Variants in TANC2 observed in about 807,000 individuals in gnomAD.
TANC2 encodes tetratricopeptide repeat, ankyrin repeat and coiled-coil containing 2.
Under a neutral mutation model 210.5 loss-of-function variants are expected in TANC2, and 26 were observed. The observed-to-expected ratio is 0.12, with a 90% CI of 0.09 to 0.17. The LOEUF is 0.17. Ranked by LOEUF, TANC2 falls within the 10% of genes least tolerant of loss-of-function variation. The probability of loss-of-function intolerance (pLI) is 1.00; values close to 1 mark genes in which losing one functional copy is unlikely to be tolerated. For synonymous variants in TANC2, 931 were observed against 967.1 expected, an observed-to-expected ratio of 0.96 and a Z score of 0.69; for missense variants, 2,129 against 2,608.9, an observed-to-expected ratio of 0.82 and a Z score of 4.01.
chr17:63,236,339 G>C (rs1353406870), intron 7 of TANC2, among the ~76,000 whole-genome samples: 2 of 151,984 alleles, frequency 1.3e-5, no homozygotes, highest in Non-Finnish European at 2.9e-5. Flanking sequence ...ATATGTGAGA[G>C]ATGACTGTAT....
At position 63,073,965 on chromosome 17, in the gene TANC2, G is replaced by T. The variant is rs142582836; in HGVS notation, c.90G>T (p.Pro30=). 1.3e-4 allele frequency: 208 copies of T among 1,589,072 alleles called. 1 individual carries two copies. In the East Asian group the frequency reaches 4.4e-3, roughly 34 times the overall value. Residue 30 remains proline (P), a synonymous_variant, in exon 3 of 28, where the codon CCG becomes CCT. Coordinates refer to ENST00000689528, the Ensembl canonical transcript of TANC2. The stretch of plus-strand genomic sequence containing the variant: ...CAGATGGAGGGAGCGAGGAACCACC[G>T]GATCGAAGACAGTCAAGTGTAGACT...
At chr17:63,171,342 C>T (rs2040399140) in intron 5 of TANC2, among the ~76,000 whole-genome samples, 1 of 152,126 alleles carries the variant, frequency 6.6e-6, no homozygotes. Flanking sequence ...CTCCGCCTCC[C>T]AAAGTGCTGG....
intron 11 of TANC2, among the ~76,000 whole-genome samples, chr17:63,338,469 A>G (rs1055567493): frequency 6.6e-6 from 1 of 152,208 alleles, no homozygotes; most frequent in Admixed American, 6.5e-5. Context: ...TGTGGAATCA[A>G]TTGAAGTGAA....
chr17:63,266,555 T>G (rs948599839), intron 8 of TANC2, among the ~76,000 whole-genome samples: 2 of 152,138 alleles, frequency 1.3e-5, no homozygotes, highest in African/African-American at 4.8e-5. Context: ...TGCTTCTTAG[T>G]TTATATTGAA....
At chr17:63,023,967 G>A (rs2144041514) in intron 2 of TANC2, among the ~76,000 whole-genome samples, 1 of 152,290 alleles carries the variant, frequency 6.6e-6, no homozygotes, top group South Asian at 2.1e-4. Context: ...TCACACTCAT[G>A]TGTTCATATC....
intron 14 of TANC2, among the ~76,000 whole-genome samples, chr17:63,362,186 C>T (rs1479329210): frequency 6.6e-6 from 1 of 152,206 alleles, no homozygotes; most frequent in Non-Finnish European, 1.5e-5. Flanking sequence ...GTGTTCAGCT[C>T]TCAGGGGAGA....
At chr17:63,223,666 G>A (rs1294106311) in intron 7 of TANC2, among the ~76,000 whole-genome samples, 1 of 151,972 alleles carries the variant, frequency 6.6e-6, no homozygotes, top group Non-Finnish European at 1.5e-5. Flanking sequence ...AACCATAGAA[G>A]GTAACTTTCA....
intron 5 of TANC2, among the ~76,000 whole-genome samples, chr17:63,190,601 G>T (rs2041151696): frequency 6.6e-6 from 1 of 152,080 alleles, no homozygotes; most frequent in South Asian, 2.1e-4. Context: ...AGAAGGAAAG[G>T]AAGCGAGTAA....
chr17:63,091,566 C>T (rs920869088), intron 3 of TANC2, among the ~76,000 whole-genome samples: 14 of 152,106 alleles, frequency 9.2e-5, no homozygotes, highest in African/African-American at 2.7e-4. Flanking sequence ...TTCCATTGGT[C>T]GATACCTCTG....
intron 25 of TANC2, 117 bp from the exon 26 acceptor site, chr17:63,415,411 G>A (rs935636614): frequency 4.0e-5 from 54 of 1,354,212 alleles, no homozygotes; most frequent in Non-Finnish European, 4.4e-5. Context: ...CTAGGCTGGC[G>A]TTTGGGAGGG....
chr17:63,283,640 A>G (rs533508100), intron 9 of TANC2, among the ~76,000 whole-genome samples: 3 of 151,980 alleles, frequency 2.0e-5, no homozygotes, highest in Admixed American at 1.3e-4. Context: ...CTCTGCAGTC[A>G]TGTAGACCTT....
chr17:63,004,825 AG>A, intron 1 of TANC2: 1 of 314,276 alleles, frequency 3.2e-6, no homozygotes, highest in Non-Finnish European at 6.2e-6. Context: ...TTCTTTACCA[AG>A]GGCCTTTTTT....
intron 14 of TANC2, among the ~76,000 whole-genome samples, chr17:63,370,736 A>G (rs1447098059): frequency 6.6e-6 from 1 of 152,164 alleles, no homozygotes; most frequent in Non-Finnish European, 1.5e-5. Flanking sequence ...CATCTTTCAC[A>G]CACTGCTTCC....
chr17:63,188,901 C>A (rs1567799518), intron 5 of TANC2, among the ~76,000 whole-genome samples: 1 of 151,858 alleles, frequency 6.6e-6, no homozygotes, highest in Non-Finnish European at 1.5e-5. Context: ...ATCACCCCCC[C>A]CCAAAAAAAA....
At chr17:63,314,635 G>A (rs768980674) in exon 10 of TANC2, 8 of 1,613,878 alleles carry the variant, frequency 5.0e-6, no homozygotes, top group African/African-American at 1.3e-5. Context: ...GGATGAGACA[G>A]ATCGCCTCAG....
intron 4 of TANC2, among the ~76,000 whole-genome samples, chr17:63,131,415 A>G (rs2038913976): frequency 6.6e-6 from 1 of 152,164 alleles, no homozygotes; most frequent in South Asian, 2.1e-4. Context: ...TTGTTGGTTG[A>G]TCATGTTGGT....
chr17:63,403,052 C>T (rs2048390789), intron 19 of TANC2, among the ~76,000 whole-genome samples: 1 of 152,166 alleles, frequency 6.6e-6, no homozygotes, highest in Non-Finnish European at 1.5e-5. Flanking sequence ...AAGAAAAAGG[C>T]CAAATGGAAC....
intron 1 of TANC2, among the ~76,000 whole-genome samples, chr17:62,984,275 T>C (rs566399794): frequency 6.6e-6 from 1 of 152,242 alleles, no homozygotes; most frequent in African/African-American, 2.4e-5. Context: ...ATATTCATAG[T>C]AGTCTAGTGA....
intron 3 of TANC2, among the ~76,000 whole-genome samples, chr17:63,082,872 CTG>C (rs1279271436): frequency 6.6e-6 from 1 of 152,214 alleles, no homozygotes; most frequent in African/African-American, 2.4e-5. Context: ...CCCTTCTCTG[CTG>C]TGTTTGCTCT....
Sources: gnomAD v4.1 joint callset for allele counts (sites outside exome capture counted in the v4.1 genomes callset) on GRCh38, gnomAD v4.1.1 for gene constraint, MANE v1.5 for transcripts, NCBI Gene and HGNC (gene_info 2026-07-23, HGNC 2026-07-21) for gene names.